The following KCNJ13 variants were observed in gnomAD, a reference collection of about 807,000 sequenced individuals.
KCNJ13 encodes inward rectifier potassium channel 13.
In KCNJ13, 9 loss-of-function variants were observed where a neutral mutation model predicts 24.6. That is an observed-to-expected ratio of 0.37 (90% CI 0.22 to 0.64). The LOEUF (loss-of-function observed/expected upper bound fraction) is 0.64. Ranked by LOEUF, KCNJ13 falls within the 30% of genes least tolerant of loss-of-function variation. The pLI is 0.64. For synonymous variants in KCNJ13, 148 were observed against 154.7 expected (o/e 0.96, Z 0.32); for missense variants, 337 against 443.8 (o/e 0.76, Z 2.16).
rs758215900 is a variant in KCNJ13, at chr2:232,776,431, T to C, written c.-17+14A>G. On this transcript the variant is annotated intron_variant, in intron 1 of 2. Coordinates refer to ENST00000233826, the MANE Select transcript of KCNJ13 (RefSeq NM_002242.4). ...CATAAGGAAAGAAGAATGGATATTATTGCATGTACTCACCAGTTCTTTTGC... is the reference window on the plus strand; with the variant it reads ...CATAAGGAAAGAAGAATGGATATTACTGCATGTACTCACCAGTTCTTTTGC... 1.0e-5 allele frequency: 16 copies of C among 1,599,504 alleles called. No individual in the cohort carries two copies. The highest frequency in any genetic ancestry group is 3.3e-4 in the Middle Eastern group (2 of 6,030).
intron 1 of KCNJ13, among the ~76,000 whole-genome samples, chr2:232,774,291 C>T (rs527452021): frequency 1.3e-5 from 2 of 152,070 alleles, no homozygotes; most frequent in African/African-American, 2.4e-5. Context: ...GTTCAAGAGC[C>T]GCTCCAGAGT....
rs981511184 is a variant in KCNJ13 at position 232,776,259 on chromosome 2, T to G, written c.-17+186A>C. The stretch of plus-strand genomic sequence containing the variant: ...AAAATTTCCAGTAATACATTCAATA[T>G]GGCTGTTATTGCATTTTTAAGATTT... On this transcript the variant is annotated intron_variant, in intron 1 of 2. Transcript: ENST00000233826. Among the ~76,000 whole-genome samples, 3 of 152,202 alleles carry G rather than the reference T, an allele frequency of 2.0e-5. No homozygotes were observed. The East Asian group carries it at 5.8e-4, about 29-fold the overall frequency.
intron 1 of KCNJ13, among the ~76,000 whole-genome samples, chr2:232,775,056 T>A (rs1341869599): frequency 6.6e-6 from 1 of 152,100 alleles, no homozygotes; most frequent in African/African-American, 2.4e-5. Flanking sequence ...TCGGAACAGT[T>A]AAGCAGCATT....
At position 232,766,352 on chromosome 2, in the gene KCNJ13, T is replaced by G. The variant is rs34063802; in HGVS notation, c.*1839A>C. Reference sequence around the variant, plus strand: ...AAACTCATCTGACTTAAATGGAACCTTAGATCTCAGGTTTTACTCATTCAC... The same window carrying G: ...AAACTCATCTGACTTAAATGGAACCGTAGATCTCAGGTTTTACTCATTCAC... On this transcript the variant is annotated 3_prime_UTR_variant, in exon 3 of 3. Transcript: ENST00000233826. 1.1e-5 allele frequency: 2 copies of G among 178,886 alleles called. No homozygotes were observed. Among genetic ancestry groups the G allele is most frequent in the Admixed American group, 1.2e-4 (2 of 17,376 alleles). The allele number at this position is 178,886 out of a possible 1,614,324, so 11.1% of individuals were successfully genotyped here.
Position 232,771,297 on chromosome 2 carries a change from G to T in KCNJ13, c.66C>A (p.Thr22=). Residue 22 remains threonine (T), a synonymous_variant, in exon 2 of 3, where the codon ACC becomes ACA. Coordinates refer to ENST00000233826, the MANE Select transcript of KCNJ13 (RefSeq NM_002242.4). ...TTTGAAGTGTGCTGTGGCCATCCTTGGTGACCATCCTCCGGTATCTTTGAC... is the reference window on the plus strand; with the variant it reads ...TTTGAAGTGTGCTGTGGCCATCCTTTGTGACCATCCTCCGGTATCTTTGAC... ...LLSQRYRRMV[T]KDGHSTLQMD... is the part of the protein sequence containing the mutation. 6.2e-7 allele frequency: 1 copy of T among 1,610,410 alleles called. No homozygotes were observed. The highest frequency in any genetic ancestry group is 8.5e-7 in the Non-Finnish European group (1 of 1,178,044).
chr2:232,768,668 G>A lies in KCNJ13; in HGVS notation c.606C>T (p.Val202=), dbSNP rs1184806124. Reference sequence around the variant, plus strand: ...CCTGATAGAGTACAGCTGAGACCCGGACACTGGTTAGAGGGCTAGGTCGGG... The same window carrying A: ...CCTGATAGAGTACAGCTGAGACCCGAACACTGGTTAGAGGGCTAGGTCGGG... ...ANTRPSPLTS[V]RVSAVLYQER... Residue 202 remains valine, a synonymous_variant, in exon 3 of 3, where the codon GTC becomes GTT. Coordinates refer to ENST00000233826, the MANE Select transcript of KCNJ13 (RefSeq NM_002242.4). 6.2e-7 allele frequency: 1 copy of A among 1,613,488 alleles called. No homozygotes were observed. Among genetic ancestry groups the A allele is most frequent in the East Asian group, 2.2e-5 (1 of 44,872 alleles).
At chr2:232,769,275 A>T (rs1024414286) in intron 2 of KCNJ13, among the ~76,000 whole-genome samples, 11 of 152,148 alleles carry the variant, frequency 7.2e-5, no homozygotes, top group Admixed American at 5.2e-4. Context: ...TCACGCCTGT[A>T]ATCCCGGCAC....
In KCNJ13 at chr2:232,768,163, A is replaced by T; in HGVS notation, c.*28T>A. ...AGTAGCTGCATAACTGGCTGGGTGT[A>T]TTTAATACATTAAAAAATGGATAAG... On this transcript the variant is annotated 3_prime_UTR_variant, in exon 3 of 3. Coordinates refer to ENST00000233826, the MANE Select transcript of KCNJ13 (RefSeq NM_002242.4). 1 of 1,611,322 alleles carries T rather than the reference A, an allele frequency of 6.2e-7. No homozygotes were observed. Among genetic ancestry groups the T allele is most frequent in the South Asian group, 1.1e-5 (1 of 90,884 alleles).
Position 232,766,635 on chromosome 2 carries a change from C to G in KCNJ13, c.*1556G>C, listed in dbSNP as rs1481952345. On this transcript the variant is annotated 3_prime_UTR_variant, in exon 3 of 3. Coordinates refer to ENST00000233826, the MANE Select transcript of KCNJ13 (RefSeq NM_002242.4). ...CTAAGATTTTCAAACAGCAAAAGTT[C>G]ACAATAATTAAGTTTCTGTGTTCTT... 2.6e-5 allele frequency: 4 copies of G among 152,332 alleles called. No individual in the cohort carries two copies. The highest frequency in any genetic ancestry group is 5.9e-5 in the Non-Finnish European group (4 of 68,162). The allele number at this position is 152,332 out of a possible 1,614,324, so 9.4% of individuals were successfully genotyped here. A position where few individuals can be genotyped will look rare whatever the true frequency, so the allele number is the denominator to read the frequency against.
rs1698934878 is a variant in KCNJ13, at chr2:232,765,830, C to A, written c.*2361G>T. ...CTTGTACATATGTAAAACTAGGCCCCTGAGATTTTTAGGTAACGACATGCC... is the reference window on the plus strand; with the variant it reads ...CTTGTACATATGTAAAACTAGGCCCATGAGATTTTTAGGTAACGACATGCC... On this transcript the variant is annotated 3_prime_UTR_variant, in exon 3 of 3. Coordinates refer to ENST00000233826, the MANE Select transcript of KCNJ13 (RefSeq NM_002242.4). 4.3e-5 allele frequency: 19 copies of A among 443,272 alleles called. No homozygotes were observed. The highest frequency in any genetic ancestry group is 3.0e-4 in the South Asian group (18 of 60,054). The allele number at this position is 443,272 out of a possible 1,614,324, so 27.5% of individuals were successfully genotyped here. A position where few individuals can be genotyped will look rare whatever the true frequency, so the allele number is the denominator to read the frequency against.
intron 2 of KCNJ13, among the ~76,000 whole-genome samples, chr2:232,769,505 CAAAAAAAAAAAA>C (rs34912964): frequency 3.0e-5 from 2 of 66,538 alleles, no homozygotes; most frequent in Non-Finnish European, 6.4e-5. Flanking sequence ...GACTCCATCT[CAAAAAAAAAAAA>C]AAAAAAAAAA....
chr2:232,772,669 A>T (rs1458736118), intron 1 of KCNJ13, among the ~76,000 whole-genome samples: 4 of 152,200 alleles, frequency 2.6e-5, no homozygotes, highest in Non-Finnish European at 4.4e-5. Context: ...CAGGAAATGC[A>T]GCTTTGCTTC....
At position 232,768,475 on chromosome 2, in the gene KCNJ13, A is replaced by G. The variant is rs1311776336; in HGVS notation, c.799T>C (p.Leu267=). The G allele has an allele frequency of 6.2e-7, 1 of 1,614,224 alleles. No homozygotes were observed. Among genetic ancestry groups the G allele is most frequent in the South Asian group, 1.1e-5 (1 of 91,090 alleles). Residue 267 remains leucine, a synonymous_variant, in exon 3 of 3, where the codon TTA becomes CTA. Coordinates refer to ENST00000233826, the MANE Select transcript of KCNJ13 (RefSeq NM_002242.4). ...TGCATTGCTGAAAGGAATACAACTA[A>G]TTCAAAGTGAGAAGGATTTTCATGC... ...LQHENPSHFE[L]VVFLSAMQEG...
intron 2 of KCNJ13, among the ~76,000 whole-genome samples, chr2:232,769,783 A>C (rs1047740913): frequency 6.6e-6 from 1 of 152,230 alleles, no homozygotes; most frequent in African/African-American, 2.4e-5. Context: ...AAAGTAAAAT[A>C]TAAAAGAAAC....
At chr2:232,770,074 T>C (rs534405026) in intron 2 of KCNJ13, among the ~76,000 whole-genome samples, 22 of 152,306 alleles carry the variant, frequency 1.4e-4, no homozygotes, top group African/African-American at 4.6e-4. Flanking sequence ...ACCCCCTTAA[T>C]TGTATGCAAA....
In KCNJ13 at chr2:232,767,928, A is replaced by G; in HGVS notation, c.*263T>C. On this transcript the variant is annotated 3_prime_UTR_variant, in exon 3 of 3. Coordinates refer to ENST00000233826, the MANE Select transcript of KCNJ13 (RefSeq NM_002242.4). ...TACTAGTATCATACCACATTCTTATAAATTCACCAGCAACATTTCTGTATA... is the reference window on the plus strand; with the variant it reads ...TACTAGTATCATACCACATTCTTATGAATTCACCAGCAACATTTCTGTATA... 1 of 456,358 alleles carries G rather than the reference A, an allele frequency of 2.2e-6. No individual in the cohort carries two copies. The highest frequency in any genetic ancestry group is 4.0e-6 in the Non-Finnish European group (1 of 250,280). 28.3% of individuals were successfully genotyped at this position (456,358 alleles called of 1,614,324 possible). A position where few individuals can be genotyped will look rare whatever the true frequency, so the allele number is the denominator to read the frequency against.
chr2:232,770,540 A>T (rs754470350), intron 2 of KCNJ13, among the ~76,000 whole-genome samples: 11 of 152,202 alleles, frequency 7.2e-5, no homozygotes, highest in Non-Finnish European at 1.6e-4. Flanking sequence ...TAGGTATTGA[A>T]TGTATTTATT....
chr2:232,772,338 G>C (rs1022396413), intron 1 of KCNJ13, among the ~76,000 whole-genome samples: 2 of 152,246 alleles, frequency 1.3e-5, no homozygotes, highest in South Asian at 2.1e-4. Flanking sequence ...GATTAGATTG[G>C]GGGGTAGAAA....
intron 1 of KCNJ13, among the ~76,000 whole-genome samples, chr2:232,774,162 A>G (rs904959857): frequency 1.3e-5 from 2 of 151,988 alleles, no homozygotes; most frequent in African/African-American, 4.8e-5. Context: ...ATGAGGTAGT[A>G]AGTGGTGGAT....
Sources: gnomAD v4.1 joint callset for allele counts (sites outside exome capture counted in the v4.1 genomes callset) on GRCh38, gnomAD v4.1.1 for gene constraint, MANE v1.5 for transcripts, NCBI Gene and HGNC (gene_info 2026-07-23, HGNC 2026-07-21) for gene names.